PRKDC: variants seen among roughly 807,000 people sequenced by gnomAD.
PRKDC encodes protein kinase, DNA-activated, catalytic subunit, also known as DNA-dependent protein kinase catalytic subunit.
In PRKDC, 82 loss-of-function variants were observed where a neutral mutation model predicts 486.9. The observed-to-expected ratio is 0.17, with a 90% CI of 0.14 to 0.20. The LOEUF is 0.20. PRKDC is among the 10% of genes least tolerant of loss of function. The pLI is 1.00. For synonymous variants in PRKDC, 1,895 were observed against 1,837.0 expected (o/e 1.03, Z -0.81); for missense variants, 4,504 against 5,038.2 (o/e 0.89, Z 3.21).
In PRKDC at chr8:47,877,055, C is replaced by T. The variant is rs141074020; in HGVS notation, c.5363+669G>A. ...AATCTAACTGTGCTTTTAGACATAA[C>T]TTTCCATTTACAGAAAATCCAAGGG... On this transcript the variant is annotated intron_variant, in intron 40 of 85. Transcript: ENST00000314191. Among the ~76,000 whole-genome samples, 799 of 152,308 alleles carry T rather than the reference C, an allele frequency of 5.2e-3. 12 individuals are homozygous for T. Among genetic ancestry groups the T allele is most frequent in the African/African-American group, 0.019 (772 of 41,562 alleles).
At chr8:47,915,496 T>A in intron 22 of PRKDC, 78 bp from the exon 23 acceptor site, 1 of 868,718 alleles carries the variant, frequency 1.2e-6, no homozygotes. Context: ...AAAAACTCTT[T>A]GCCACCCACT....
At chr8:47,882,123 G>A in intron 36 of PRKDC, 26 bp from the exon 37 acceptor site, 1 of 1,572,278 alleles carries the variant, frequency 6.4e-7, no homozygotes, top group South Asian at 1.2e-5. Context: ...TGTGAGTGAA[G>A]AAAAATTCTT....
chr8:47,897,393 A>G, intron 29 of PRKDC, 99 bp from the exon 30 acceptor site: 3 of 1,191,830 alleles, frequency 2.5e-6, no homozygotes, highest in East Asian at 2.5e-5. Context: ...TCACACAGAT[A>G]TATGTAGAAA....
chr8:47,820,340 A>G (rs1371942696), intron 66 of PRKDC, among the ~76,000 whole-genome samples: 1 of 152,076 alleles, frequency 6.6e-6, no homozygotes, highest in Non-Finnish European at 1.5e-5. Flanking sequence ...GCGCCATTGC[A>G]CTCCACTGTC....
rs749824224 is a variant in PRKDC, at chr8:47,855,305, T to G, written c.6678A>C (p.Pro2226=). The G allele has an allele frequency of 1.9e-6, 3 of 1,601,320 alleles. No homozygotes were observed. The highest frequency in any genetic ancestry group is 2.6e-6 in the Non-Finnish European group (3 of 1,172,950). ...GGTTGTGTCTAAACACAGCTCTTTT[T>G]GGATGAAAGACATGTTTCATTAGGA... The part of the protein sequence containing the change: ...LNFLMKHVFH[P]KRAVFRHNLE... Residue 2226 remains proline (P), a synonymous_variant, in exon 50 of 86, where the codon CCA becomes CCC. Coordinates refer to ENST00000314191, the MANE Select transcript of PRKDC (RefSeq NM_006904.7).
At chr8:47,867,558 A>G (rs2088846286) in intron 40 of PRKDC, among the ~76,000 whole-genome samples, 1 of 152,212 alleles carries the variant, frequency 6.6e-6, no homozygotes, top group African/African-American at 2.4e-5. Context: ...ATTCTATGTA[A>G]TCATACTGGT....
intron 76 of PRKDC, 98 bp downstream of exon 76, chr8:47,788,808 T>TC: frequency 8.6e-7 from 1 of 1,164,110 alleles, no homozygotes; most frequent in Non-Finnish European, 1.1e-6. Context: ...GTTAAATTAA[T>TC]GATTACATTT....
chr8:47,877,841 G>A lies in PRKDC; in HGVS notation c.5246C>T (p.Ala1749Val). ...YVDCMKKFLD[A>V]LELSQSPMLL... ...CATAGGGCTTTGAGATAATTCCAAT[G>A]CATCTAGAAACTAGAAAAAATACAT... is the stretch of plus-strand genomic sequence containing the variant. Residue 1749 changes from alanine to valine, a missense_variant, in exon 40 of 86, where the codon GCA (alanine) becomes GTA (valine). By Grantham distance (64) the Ala-to-Val change is moderately conservative. Coordinates refer to ENST00000314191, the MANE Select transcript of PRKDC (RefSeq NM_006904.7). 1 of 1,509,304 alleles carries A rather than the reference G, an allele frequency of 6.6e-7. No individual in the cohort carries two copies. Among genetic ancestry groups the A allele is most frequent in the Non-Finnish European group, 8.9e-7 (1 of 1,125,474 alleles). The allele number at this position is 1,509,304 out of a possible 1,614,324, so 93.5% of individuals were successfully genotyped here.
At chr8:47,857,333 A>G in intron 48 of PRKDC, 34 bp from the exon 49 acceptor site, 2 of 1,579,856 alleles carry the variant, frequency 1.3e-6, no homozygotes, top group Non-Finnish European at 1.7e-6. Flanking sequence ...ACATCAAAGA[A>G]TGGTCTTAAA....
chr8:47,937,232 G>A (rs1179495055), intron 11 of PRKDC, among the ~76,000 whole-genome samples: 1 of 152,092 alleles, frequency 6.6e-6, no homozygotes, highest in East Asian at 1.9e-4. Context: ...CTGCACTCCA[G>A]CCTGGGCAAC....
intron 73 of PRKDC, among the ~76,000 whole-genome samples, chr8:47,796,793 C>T (rs1464254659): frequency 2.0e-5 from 3 of 151,916 alleles, no homozygotes; most frequent in African/African-American, 7.3e-5. Flanking sequence ...AGGGTTTCAC[C>T]GTGTTGGCCA....
Position 47,774,083 on chromosome 8 carries a change from A to C in PRKDC, c.*90T>G. 7.7e-7 allele frequency: 1 copy of C among 1,302,712 alleles called. No individual in the cohort carries two copies. The highest frequency in any genetic ancestry group is 1.0e-6 in the Non-Finnish European group (1 of 966,452). The allele number at this position is 1,302,712 out of a possible 1,614,324, so 80.7% of individuals were successfully genotyped here. ...AAAAGACATTTCTCTTTAGTGTTTC[A>C]GGAAAATCAGCTCATGGAATGCTGC... On this transcript the variant is annotated 3_prime_UTR_variant, in exon 86 of 86. Transcript: ENST00000314191.
chr8:47,933,559 CATGCACATATACTT>C (rs981425987), intron 15 of PRKDC, among the ~76,000 whole-genome samples: 30 of 152,176 alleles, frequency 2.0e-4, no homozygotes, highest in Non-Finnish European at 5.9e-5. Context: ...CATGTAAGTA[CATGCACATATACTT>C]ATGTGCATAC....
intron 54 of PRKDC, among the ~76,000 whole-genome samples, 173 bp downstream of exon 54, chr8:47,848,981 C>T (rs757653345): frequency 6.6e-6 from 1 of 152,216 alleles, no homozygotes; most frequent in African/African-American, 2.4e-5. Context: ...AGAGCAGGCC[C>T]ACCTCAGCAG....
chr8:47,889,244 A>C (rs756424592), intron 32 of PRKDC, 22 bp from the exon 33 acceptor site: 1 of 1,565,594 alleles, frequency 6.4e-7, no homozygotes, highest in South Asian at 1.2e-5. Context: ...TGTTTGATAA[A>C]AACACTTCGT....
intron 40 of PRKDC, among the ~76,000 whole-genome samples, chr8:47,874,087 G>A (rs1171084244): frequency 6.6e-6 from 1 of 151,050 alleles, no homozygotes; most frequent in East Asian, 1.9e-4. Context: ...GGGACTACAG[G>A]CGCCCACCAC....
intron 59 of PRKDC, among the ~76,000 whole-genome samples, chr8:47,832,464 G>A (rs1043650450): frequency 2.6e-5 from 4 of 152,140 alleles, no homozygotes; most frequent in Non-Finnish European, 5.9e-5. Context: ...ACTGTTAAAA[G>A]CAGATCATGC....
At chr8:47,801,990 A>G (rs1480007415) in intron 70 of PRKDC, among the ~76,000 whole-genome samples, 1 of 152,204 alleles carries the variant, frequency 6.6e-6, no homozygotes, top group Non-Finnish European at 1.5e-5. Context: ...ACTAATATTA[A>G]CATCAGCAAA....
chr8:47,843,049 C>T (rs912787096), intron 54 of PRKDC, among the ~76,000 whole-genome samples: 1 of 152,156 alleles, frequency 6.6e-6, no homozygotes, highest in Non-Finnish European at 1.5e-5. Context: ...CCTGTGGTCC[C>T]AGCTCCTCAG....
Sources: allele counts gnomAD v4.1 joint callset (sites outside exome capture counted in the v4.1 genomes callset), GRCh38; gene constraint gnomAD v4.1.1; transcripts MANE v1.5; gene names NCBI Gene and HGNC (gene_info 2026-07-23, HGNC 2026-07-21).